Variants in FBXW7 observed in about 807,000 individuals in gnomAD.
FBXW7 encodes the protein F-box/WD repeat-containing protein 7.
In FBXW7, 11 loss-of-function variants were observed where a neutral mutation model predicts 86.3. The ratio of observed to expected loss-of-function variants is 0.13; its 90% CI spans 0.08 to 0.21. FBXW7 has a LOEUF of 0.21. Among genes scored for constraint, FBXW7 ranks in the 10% least tolerant of loss-of-function variants. FBXW7 has a pLI of 1.00. For synonymous variants in FBXW7, 313 were observed against 297.9 expected (o/e 1.05, Z -0.52); for missense variants, 488 against 847.4 (o/e 0.58, Z 5.27).
rs192083645 is a variant in FBXW7, at chr4:152,332,807, A to C, written c.862-88T>G. ...TTAATTATTCTCCACAGGATGAGATACTTGATAAATATAATTCTGCACTCT... is the reference window on the plus strand; with the variant it reads ...TTAATTATTCTCCACAGGATGAGATCCTTGATAAATATAATTCTGCACTCT... On this transcript the variant is annotated intron_variant, in intron 7 of 13. Transcript: ENST00000281708. The C allele has an allele frequency of 4.2e-5, 26 of 624,160 alleles. No homozygotes were observed. In the East Asian group the frequency reaches 1.4e-3, roughly 35 times the overall value. The allele number at this position is 624,160 out of a possible 1,614,324, so 38.7% of individuals were successfully genotyped here. A position where few individuals can be genotyped will look rare whatever the true frequency, so the allele number is the denominator to read the frequency against.
At chr4:152,383,245 A>G (rs532927856) in intron 4 of FBXW7, among the ~76,000 whole-genome samples, 9 of 152,228 alleles carry the variant, frequency 5.9e-5, no homozygotes, top group African/African-American at 2.2e-4. Flanking sequence ...GTCCATTGCA[A>G]ATCCCTAGTG....
chr4:152,491,029 C>T (rs1007574653), intron 2 of FBXW7, among the ~76,000 whole-genome samples: 14 of 152,202 alleles, frequency 9.2e-5, no homozygotes, highest in South Asian at 4.1e-4. Flanking sequence ...TTCACTCACA[C>T]GGCTTAATAC....
At chr4:152,493,417 G>A (rs550794929) in intron 2 of FBXW7, among the ~76,000 whole-genome samples, 6 of 152,104 alleles carry the variant, frequency 3.9e-5, no homozygotes, top group East Asian at 3.9e-4. Context: ...CACCCGCCTC[G>A]GCCTCCCAAA....
rs556102800 is a variant in FBXW7 at position 152,505,630 on chromosome 4, G to A, written c.-120+29311C>T. 2.0e-5 allele frequency among the ~76,000 whole-genome samples: 3 copies of A among 152,004 alleles called. No individual in the cohort carries two copies. The South Asian group carries it at 6.2e-4, about 32-fold the overall frequency. On this transcript the variant is annotated intron_variant, in intron 2 of 13. Coordinates refer to ENST00000281708, the MANE Select transcript of FBXW7 (RefSeq NM_001349798.2). ...TCACTGTCTTCCATCTCCACATAAT[G>A]TCCCACTGGAAGGTCTTCAGAGGCA...
chr4:152,329,307 C>T (rs1338605844), intron 10 of FBXW7, among the ~76,000 whole-genome samples: 3 of 151,884 alleles, frequency 2.0e-5, no homozygotes, highest in Non-Finnish European at 4.4e-5. Context: ...AAATATCCCT[C>T]AACCATACTT....
chr4:152,515,846 G>A (rs775770511), intron 2 of FBXW7, among the ~76,000 whole-genome samples: 35 of 149,718 alleles, frequency 2.3e-4, no homozygotes, highest in Non-Finnish European at 1.5e-4. Flanking sequence ...CATACATAAA[G>A]TAAGAATTTG....
chr4:152,439,848 A>G (rs1174777970), intron 2 of FBXW7, among the ~76,000 whole-genome samples: 3 of 147,946 alleles, frequency 2.0e-5, no homozygotes, highest in African/African-American at 7.6e-5. Context: ...CCTGGGTGAC[A>G]GAGCAAGACT....
intron 2 of FBXW7, among the ~76,000 whole-genome samples, chr4:152,501,171 T>A (rs756424348): frequency 6.6e-6 from 1 of 152,220 alleles, no homozygotes. Flanking sequence ...AGGCCATTAT[T>A]ATGGTACACA....
At chr4:152,452,910 C>G (rs1489661321) in intron 2 of FBXW7, among the ~76,000 whole-genome samples, 5 of 152,318 alleles carry the variant, frequency 3.3e-5, no homozygotes, top group Admixed American at 3.3e-4. Context: ...TGGCCAGGCG[C>G]AGTGGCTCAC....
chr4:152,426,353 C>CTTT (rs112116648), intron 2 of FBXW7, among the ~76,000 whole-genome samples: 1 of 143,142 alleles, frequency 7.0e-6, no homozygotes, highest in Non-Finnish European at 1.5e-5. Flanking sequence ...TGGCTACAAA[C>CTTT]TTTTTTTTTT....
At chr4:152,401,132 A>T (rs1226005220) in intron 4 of FBXW7, among the ~76,000 whole-genome samples, 1 of 152,232 alleles carries the variant, frequency 6.6e-6, no homozygotes, top group Non-Finnish European at 1.5e-5. Context: ...GCCATTTGGC[A>T]GTTTCTTACA....
chr4:152,453,566 G>GA (rs1377140574), intron 2 of FBXW7, among the ~76,000 whole-genome samples: 9 of 152,050 alleles, frequency 5.9e-5, no homozygotes, highest in Admixed American at 5.9e-4. Context: ...AGAAGGTACA[G>GA]AAAAAACAAG....
chr4:152,398,382 CTAATA>C (rs1490385510), intron 4 of FBXW7, among the ~76,000 whole-genome samples: 1 of 151,522 alleles, frequency 6.6e-6, no homozygotes, highest in Non-Finnish European at 1.5e-5. Flanking sequence ...GCTAAACATA[CTAATA>C]TATGATTTTT....
chr4:152,411,100 A>G (rs1737907310), intron 4 of FBXW7: 1 of 908,620 alleles, frequency 1.1e-6, no homozygotes, highest in Admixed American at 3.6e-5. Context: ...CTTTCCCTCC[A>G]TTTGTACTCA....
intron 5 of FBXW7, among the ~76,000 whole-genome samples, chr4:152,349,527 T>C (rs1402010899): frequency 2.6e-5 from 4 of 151,902 alleles, no homozygotes; most frequent in African/African-American, 4.8e-5. Context: ...TTCATTGTTA[T>C]GGAAACTATT....
intron 11 of FBXW7, among the ~76,000 whole-genome samples, chr4:152,327,099 T>G (rs189030962): frequency 5.3e-4 from 81 of 152,094 alleles, no homozygotes; most frequent in Admixed American, 3.3e-3. Context: ...TCTGAAGAGA[T>G]AAAGAAATAC....
rs745418631 is a variant in FBXW7, at chr4:152,330,754, C to T, written c.1100G>A (p.Arg367Gln). The T allele has an allele frequency of 1.6e-5, 26 of 1,612,014 alleles. No individual in the cohort carries two copies. Among genetic ancestry groups the T allele is most frequent in the African/African-American group, 4.0e-5 (3 of 74,786 alleles). The stretch of plus-strand genomic sequence containing the variant: ...TACCTTAGGAGATTTGAGTTCTCCT[C>T]GCCTCCAGTTAGTATCAATTCTGTG... ...RQHRIDTNWR[R>Q]GELKSPKVLK... The change falls in exon 9 of 14, where the codon CGA (arginine) becomes CAA (glutamine). Residue 367 changes from arginine (R) to glutamine (Q), a missense_variant. Physicochemically the swap from Arg to Gln is conservative, Grantham distance 43 (BLOSUM62 1). Transcript: ENST00000281708.
chr4:152,344,078 C>A (rs904869657), intron 6 of FBXW7, among the ~76,000 whole-genome samples: 1 of 152,138 alleles, frequency 6.6e-6, no homozygotes, highest in Non-Finnish European at 1.5e-5. Context: ...TCATGAAATG[C>A]CCCCACAGTA....
chr4:152,472,709 G>C (rs1744067821), intron 2 of FBXW7, among the ~76,000 whole-genome samples: 1 of 152,090 alleles, frequency 6.6e-6, no homozygotes, highest in South Asian at 2.1e-4. Flanking sequence ...GGTTACAAAA[G>C]TGTGTTCATT....
Sources: allele counts gnomAD v4.1 joint callset (sites outside exome capture counted in the v4.1 genomes callset), GRCh38; gene constraint gnomAD v4.1.1; transcripts MANE v1.5; gene names NCBI Gene and HGNC (gene_info 2026-07-23, HGNC 2026-07-21).